Variants in OPCML observed in about 807,000 individuals in gnomAD.
OPCML encodes the protein opioid-binding protein/cell adhesion molecule.
OPCML carries 13 observed loss-of-function variants against 37.8 expected under a neutral mutation model. The ratio of observed to expected loss-of-function variants is 0.34; its 90% CI spans 0.22 to 0.55. The LOEUF (loss-of-function observed/expected upper bound fraction) is 0.55, where lower values mean the gene tolerates loss of function less well. OPCML is among the 20% of genes least tolerant of loss of function. The pLI, the probability that OPCML is intolerant of heterozygous loss-of-function variation, is 0.91. For missense variants in OPCML, 341 were observed against 435.6 expected, an observed-to-expected ratio of 0.78 and a Z score of 1.93; for synonymous variants, 176 against 168.8, an observed-to-expected ratio of 1.04 and a Z score of -0.33.
chr11:132,685,674 C>A (rs956955166), intron 2 of OPCML, among the ~76,000 whole-genome samples: 1 of 152,122 alleles, frequency 6.6e-6, no homozygotes, highest in Non-Finnish European at 1.5e-5. Context: ...AACACACTCC[C>A]CCCATCTTTT....
At chr11:132,536,706 A>C (rs1327441293) in intron 3 of OPCML, among the ~76,000 whole-genome samples, 1 of 152,202 alleles carries the variant, frequency 6.6e-6, no homozygotes, top group Admixed American at 6.5e-5. Flanking sequence ...TTGCATTTTA[A>C]TAGAAATGTT....
chr11:133,003,041 T>C (rs924153798), intron 1 of OPCML, among the ~76,000 whole-genome samples: 7 of 152,206 alleles, frequency 4.6e-5, no homozygotes, highest in Non-Finnish European at 7.3e-5. Context: ...CATTCATCTG[T>C]AAACAGCAGC....
intron 1 of OPCML, among the ~76,000 whole-genome samples, chr11:133,070,660 T>C (rs1948517781): frequency 6.6e-6 from 1 of 152,192 alleles, no homozygotes; most frequent in Non-Finnish European, 1.5e-5. Flanking sequence ...TAAATCCAAG[T>C]TGTTTATTAG....
At chr11:133,349,801 A>G (rs1944087361) in intron 1 of OPCML, among the ~76,000 whole-genome samples, 1 of 152,196 alleles carries the variant, frequency 6.6e-6, no homozygotes, top group South Asian at 2.1e-4. Context: ...CCATCAGAAA[A>G]AAAAATATTT....
intron 4 of OPCML, among the ~76,000 whole-genome samples, chr11:132,449,660 A>G (rs1333219076): frequency 6.6e-6 from 1 of 152,194 alleles, no homozygotes; most frequent in Non-Finnish European, 1.5e-5. Context: ...GACTGTGACT[A>G]CGGCAGCTCA....
At chr11:132,462,523 A>G (rs1322889812) in intron 4 of OPCML, among the ~76,000 whole-genome samples, 2 of 152,184 alleles carry the variant, frequency 1.3e-5, no homozygotes, top group Non-Finnish European at 2.9e-5. Context: ...AGCGAGTGGC[A>G]TTGGAAAAGA....
At chr11:132,833,715 C>T (rs903800491) in intron 2 of OPCML, among the ~76,000 whole-genome samples, 3 of 152,182 alleles carry the variant, frequency 2.0e-5, no homozygotes, top group Admixed American at 6.5e-5. Flanking sequence ...TACAATATGA[C>T]AATAGCTATG....
chr11:132,688,501 C>T (rs1222698727), intron 2 of OPCML, among the ~76,000 whole-genome samples: 2 of 152,064 alleles, frequency 1.3e-5, no homozygotes, highest in African/African-American at 4.8e-5. Flanking sequence ...AAGACCTCTC[C>T]AATTAAAGGC....
intron 1 of OPCML, among the ~76,000 whole-genome samples, chr11:133,342,744 G>C (rs950276093): frequency 6.6e-6 from 1 of 152,152 alleles, no homozygotes; most frequent in Non-Finnish European, 1.5e-5. Context: ...GCTGGCCCAG[G>C]CTCAGGACAA....
At chr11:133,055,406 C>T (rs1022903832) in intron 1 of OPCML, among the ~76,000 whole-genome samples, 7 of 148,014 alleles carry the variant, frequency 4.7e-5, no homozygotes, top group African/African-American at 1.0e-4. Flanking sequence ...ATGAGGGAGA[C>T]GCCTCTACCG....
intron 3 of OPCML, among the ~76,000 whole-genome samples, chr11:132,553,324 T>C (rs905542737): frequency 1.3e-5 from 2 of 152,178 alleles, no homozygotes; most frequent in Non-Finnish European, 2.9e-5. Context: ...GGAAATAAAG[T>C]TGCTGATTTA....
At chr11:132,916,859 T>C (rs561393834) in intron 2 of OPCML, among the ~76,000 whole-genome samples, 2 of 152,272 alleles carry the variant, frequency 1.3e-5, no homozygotes, top group South Asian at 2.1e-4. Flanking sequence ...ATGGGGTGCT[T>C]ACCAAGACAG....
rs114316541 is a variant in OPCML, at chr11:133,350,486, T to C, written c.61+181778A>G. Among the ~76,000 whole-genome samples the C allele has an allele frequency of 3.3e-3, 504 of 152,192 alleles. 7 individuals carry two copies. The highest frequency in any genetic ancestry group is 0.011 in the African/African-American group (472 of 41,528). On this transcript the variant is annotated intron_variant, in intron 1 of 7. Transcript: ENST00000524381. ...TTTGTAAAGAAATTAGCATCTATCT[T>C]CCTCCCAGAAATGGAGATCCCAATG...
intron 1 of OPCML, among the ~76,000 whole-genome samples, chr11:133,489,402 C>A (rs1313794588): frequency 1.3e-5 from 2 of 151,924 alleles, no homozygotes; most frequent in African/African-American, 2.4e-5. Flanking sequence ...CAAATAACCC[C>A]ATTTAAAAGT....
intron 3 of OPCML, among the ~76,000 whole-genome samples, chr11:132,542,723 G>C (rs1041629103): frequency 2.6e-5 from 4 of 152,310 alleles, no homozygotes; most frequent in Admixed American, 1.3e-4. Flanking sequence ...CTGGGGCCCA[G>C]GGGGTGTCTC....
At chr11:132,850,592 A>G (rs781630427) in intron 2 of OPCML, among the ~76,000 whole-genome samples, 7 of 152,026 alleles carry the variant, frequency 4.6e-5, no homozygotes, top group Non-Finnish European at 8.8e-5. Flanking sequence ...TATAGTTTGT[A>G]TAATTCAATT....
rs985441356 is a variant in OPCML at position 132,448,206 on chromosome 11, T to G, written c.506-10847A>C. ...TTGATGCAGCCTGACTCTTCTTACT[T>G]CCTCTCTTTCTTTCCTTTTATTTGA... On this transcript the variant is annotated intron_variant, in intron 4 of 7. Transcript: ENST00000524381. 2.0e-5 allele frequency among the ~76,000 whole-genome samples: 3 copies of G among 152,202 alleles called. No individual in the cohort carries two copies. In the South Asian group the frequency reaches 6.2e-4, roughly 31 times the overall value.
chr11:133,032,581 T>A (rs1212233376), intron 1 of OPCML, among the ~76,000 whole-genome samples: 2 of 152,202 alleles, frequency 1.3e-5, no homozygotes, highest in Non-Finnish European at 2.9e-5. Context: ...CAGCAGTAAA[T>A]GGCAAAAGAG....
At chr11:132,897,605 T>G (rs1943898683) in intron 2 of OPCML, among the ~76,000 whole-genome samples, 1 of 152,176 alleles carries the variant, frequency 6.6e-6, no homozygotes, top group Non-Finnish European at 1.5e-5. Context: ...GGACAAATGG[T>G]TCTGTATGAT....
Sources: allele counts gnomAD v4.1 joint callset (sites outside exome capture counted in the v4.1 genomes callset), GRCh38; gene constraint gnomAD v4.1.1; transcripts MANE v1.5; gene names NCBI Gene and HGNC (gene_info 2026-07-23, HGNC 2026-07-21).